CRHR2: variants seen among roughly 807,000 people sequenced by gnomAD.
CRHR2 encodes the protein corticotropin releasing hormone receptor 2, also known as corticotropin-releasing hormone receptor 2.
A neutral mutation model predicts 57.9 loss-of-function variants in CRHR2; 53 were observed. That is an observed-to-expected ratio of 0.92 (90% confidence interval 0.73 to 1.15). The LOEUF is 1.15. CRHR2 is among the 50% of genes most tolerant of loss of function. CRHR2 has a pLI of 0.00. For missense variants in CRHR2, 532 were observed against 542.6 expected, an observed-to-expected ratio of 0.98 and a Z score of 0.19; for synonymous variants, 213 against 220.9, an observed-to-expected ratio of 0.96 and a Z score of 0.32.
At chr7:30,654,428 G>A (rs1444408032) in intron 11 of CRHR2, among the ~76,000 whole-genome samples, 2 of 152,184 alleles carry the variant, frequency 1.3e-5, no homozygotes, top group Non-Finnish European at 2.9e-5. Context: ...AGACAGGCAA[G>A]TGTATTCCTC....
chr7:30,699,095 T>C (rs1374547010), intron 1 of CRHR2, among the ~76,000 whole-genome samples: 1 of 152,210 alleles, frequency 6.6e-6, no homozygotes, highest in Admixed American at 6.5e-5. Flanking sequence ...CCACAGGCAC[T>C]ACTTTCCAGA....
rs903992223 is a variant in CRHR2 at position 30,652,121 on chromosome 7, T to C, written c.*1339A>G. ...TTTTTGTAGGGGGTACCTAGAGCAT[T>C]GGTTTCTTTTGGAAGAAATGGCCTG... On this transcript the variant is annotated 3_prime_UTR_variant, in exon 12 of 12. Transcript: ENST00000471646. This position sits in a 1 kb window ranked among gnomAD's most constrained non-coding sequence, Gnocchi z 4.4. 3.3e-5 allele frequency: 5 copies of C among 152,206 alleles called. No individual in the cohort carries two copies. Among genetic ancestry groups the C allele is most frequent in the African/African-American group, 9.6e-5 (4 of 41,464 alleles). The allele number at this position is 152,206 out of a possible 1,614,324, so 9.4% of individuals were successfully genotyped here.
intron 11 of CRHR2, among the ~76,000 whole-genome samples, chr7:30,654,437 T>C (rs1783696898): frequency 6.6e-6 from 1 of 152,162 alleles, no homozygotes; most frequent in Admixed American, 6.5e-5. Context: ...AGTGTATTCC[T>C]CTGGAGTGTT....
At chr7:30,697,014 C>T (rs1021263280) in intron 1 of CRHR2, among the ~76,000 whole-genome samples, 11 of 152,234 alleles carry the variant, frequency 7.2e-5, no homozygotes, top group South Asian at 2.1e-4. Flanking sequence ...GGCTAGAAAA[C>T]GCTCAGAAGG....
chr7:30,674,932 G>C (rs1784471882), intron 2 of CRHR2, among the ~76,000 whole-genome samples: 1 of 152,140 alleles, frequency 6.6e-6, no homozygotes, highest in South Asian at 2.1e-4. Context: ...GCCCCAAGCA[G>C]CATCATCTCC....
chr7:30,671,253 C>G (rs1784342374), intron 2 of CRHR2, among the ~76,000 whole-genome samples: 1 of 152,174 alleles, frequency 6.6e-6, no homozygotes, highest in East Asian at 1.9e-4. Context: ...TACTAAATGC[C>G]AGTTAGCACC....
chr7:30,662,664 A>G (rs751983362), intron 6 of CRHR2, 30 bp downstream of exon 6: 47 of 1,605,210 alleles, frequency 2.9e-5, no homozygotes, highest in Non-Finnish European at 3.6e-5. Flanking sequence ...CCTCCCCCCA[A>G]CTAGGCCCTG....
At chr7:30,693,416 C>T (rs939415867) in intron 1 of CRHR2, among the ~76,000 whole-genome samples, 4 of 152,136 alleles carry the variant, frequency 2.6e-5, no homozygotes, top group Admixed American at 2.6e-4. Flanking sequence ...GGATTGGGGG[C>T]TTCTGGTTGG....
intron 9 of CRHR2, 28 bp from the exon 10 acceptor site, chr7:30,655,743 G>A: frequency 1.9e-6 from 3 of 1,607,856 alleles, no homozygotes; most frequent in Non-Finnish European, 2.6e-6. Context: ...ACACAGGTCT[G>A]AGCCCATGCG....
At chr7:30,679,450 GT>G (rs1562805379) in intron 2 of CRHR2, among the ~76,000 whole-genome samples, 1 of 152,176 alleles carries the variant, frequency 6.6e-6, no homozygotes, top group East Asian at 1.9e-4. Context: ...CAGAGGGAGT[GT>G]GGGCGAGTGG....
chr7:30,654,604 C>A, intron 11 of CRHR2: 1 of 1,383,050 alleles, frequency 7.2e-7, no homozygotes, highest in Non-Finnish European at 9.7e-7. Flanking sequence ...GGCCGCCTGA[C>A]TCCCCAGAGC....
rs901729589 is a variant in CRHR2, at chr7:30,660,443, T to C, written c.831+130A>G. ...GGGGCACAGGGTGGCATGGACAGGG[T>C]ACGGGGGTGGCATATAGAGTGTGTG... On this transcript the variant is annotated intron_variant, in intron 8 of 11. Coordinates refer to ENST00000471646, the MANE Select transcript of CRHR2 (RefSeq NM_001883.5). 1.6e-5 allele frequency: 14 copies of C among 893,784 alleles called. No individual in the cohort carries two copies. In the Admixed American group the frequency reaches 2.6e-4, roughly 17 times the overall value. 55.4% of individuals were successfully genotyped at this position (893,784 alleles called of 1,614,324 possible). A position where few individuals can be genotyped will look rare whatever the true frequency, so the allele number is the denominator to read the frequency against.
intron 2 of CRHR2, among the ~76,000 whole-genome samples, chr7:30,678,806 A>G (rs1784603227): frequency 1.3e-5 from 2 of 152,126 alleles, no homozygotes; most frequent in African/African-American, 4.8e-5. Context: ...TCAATTTCAA[A>G]TGCCCAAGGT....
chr7:30,699,038 A>C (rs1363995558), intron 1 of CRHR2, among the ~76,000 whole-genome samples: 2 of 152,214 alleles, frequency 1.3e-5, no homozygotes, highest in East Asian at 3.9e-4. Context: ...AATGGTCCCC[A>C]AAGCTGGTCT....
At position 30,653,571 on chromosome 7, in the gene CRHR2, G is replaced by T; in HGVS notation, c.1125C>A (p.His375Gln). The T allele has an allele frequency of 6.2e-7, 1 of 1,612,820 alleles. No homozygotes were observed. The highest frequency in any genetic ancestry group is 8.5e-7 in the Non-Finnish European group (1 of 1,179,888). The change falls in exon 12 of 12, where the codon CAC (histidine) becomes CAA (glutamine). Residue 375 changes from histidine to glutamine, a missense_variant. Coordinates refer to ENST00000471646, the MANE Select transcript of CRHR2 (RefSeq NM_001883.5). This position sits in a 1 kb window ranked among gnomAD's most constrained non-coding sequence, Gnocchi z 5.0. ...GAAGGGAGTGATGGTCCTGCCAGCG[G>T]TGCCACCTCTTCCTCACGGCTGAGC... The part of the protein sequence containing the change: ...EVRSAVRKRW[H>Q]RWQDHHSLRV...
At chr7:30,659,699 AAGG>A (rs1175846756) in intron 8 of CRHR2, among the ~76,000 whole-genome samples, 1 of 152,254 alleles carries the variant, frequency 6.6e-6, no homozygotes, top group Non-Finnish European at 1.5e-5. Context: ...GTCACAGAAA[AAGG>A]AGAGTAAGAA....
rs920795781 is a variant in CRHR2, at chr7:30,667,167, C to A, written c.315+61G>T. The A allele has an allele frequency of 3.3e-6, 5 of 1,506,482 alleles. No homozygotes were observed. The African/African-American group carries it at 5.5e-5, about 17-fold the overall frequency. 93.3% of individuals were successfully genotyped at this position (1,506,482 alleles called of 1,614,324 possible). ...TCTGCCCCCCTTGGGATCTTCTCTGCTCAACCTGAGTCCAAATACCTGTGT... is the reference window on the plus strand; with the variant it reads ...TCTGCCCCCCTTGGGATCTTCTCTGATCAACCTGAGTCCAAATACCTGTGT... On this transcript the variant is annotated intron_variant, in intron 3 of 11. Transcript: ENST00000471646.
At chr7:30,655,222 A>G (rs1282165876) in intron 10 of CRHR2, 142 bp from the exon 11 acceptor site, 5 of 929,774 alleles carry the variant, frequency 5.4e-6, no homozygotes, top group Non-Finnish European at 8.2e-6. Context: ...GTGGGGTCCT[A>G]GCCTCAGGGT....
chr7:30,691,752 CTCATTCTCT>C (rs1418355053), intron 1 of CRHR2, among the ~76,000 whole-genome samples: 7 of 152,214 alleles, frequency 4.6e-5, no homozygotes, highest in African/African-American at 1.7e-4. Context: ...GCCAAAGATA[CTCATTCTCT>C]TCAAGGGGCT....
Sources: gnomAD v4.1 joint callset for allele counts (sites outside exome capture counted in the v4.1 genomes callset) on GRCh38, gnomAD v4.1.1 for gene constraint, Gnocchi (gnomAD v3.1) non-coding constraint, MANE v1.5 for transcripts, NCBI Gene and HGNC (gene_info 2026-07-23, HGNC 2026-07-21) for gene names.